Variants in HDAC8 observed in about 807,000 individuals in gnomAD.
The protein encoded by HDAC8 is histone deacetylase-like 1.
Under a neutral mutation model 32.2 loss-of-function variants are expected in HDAC8, and 1 was observed. That is an observed-to-expected ratio of 0.03 (90% CI 0.01 to 0.15). HDAC8 has a LOEUF of 0.15. HDAC8 is among the 10% of genes least tolerant of loss of function. HDAC8 has a pLI of 1.00. For missense variants in HDAC8, 117 were observed against 300.0 expected, an observed-to-expected ratio of 0.39 and a Z score of 4.51; for synonymous variants, 108 against 113.9, an observed-to-expected ratio of 0.95 and a Z score of 0.33.
At chrX:72,486,047 G>A (rs181976131) in intron 7 of HDAC8, among the ~76,000 whole-genome samples, 12 of 110,868 alleles carry the variant, frequency 1.1e-4, no homozygotes, top group East Asian at 8.5e-4. Flanking sequence ...GCGTGAACCC[G>A]GAAGGCAGAG....
chrX:72,371,803 CAT>C (rs1326052913), intron 9 of HDAC8, among the ~76,000 whole-genome samples: 14 of 111,989 alleles, frequency 1.3e-4, no homozygotes, highest in East Asian at 2.8e-4. Context: ...GCAATCCAAA[CAT>C]GTGTATGCAG....
chrX:72,443,695 C>A (rs1390727842), intron 9 of HDAC8, among the ~76,000 whole-genome samples: 5 of 107,959 alleles, frequency 4.6e-5, no homozygotes, highest in Middle Eastern at 4.3e-3. Flanking sequence ...CAGAGCAGAA[C>A]TGAAGGAAAT....
chrX:72,379,514 TGG>T, intron 9 of HDAC8, among the ~76,000 whole-genome samples: 1 of 98,953 alleles, frequency 1.0e-5, no homozygotes, highest in Non-Finnish European at 2.0e-5. Flanking sequence ...TTTTTTTTTT[TGG>T]AGACGGAGTC....
intron 9 of HDAC8, among the ~76,000 whole-genome samples, chrX:72,430,295 T>G (rs1314799083): frequency 1.8e-5 from 2 of 112,149 alleles, no homozygotes; most frequent in African/African-American, 6.5e-5. Context: ...ACCTTAGACA[T>G]TTCTCATTTA....
At chrX:72,495,115 C>T in intron 5 of HDAC8, 41 bp downstream of exon 5, 1 of 962,439 alleles carries the variant, frequency 1.0e-6, no homozygotes, top group South Asian at 2.1e-5. Flanking sequence ...TAAAAACCTG[C>T]TGTCCTCGCA....
chrX:72,571,287 T>TA (rs1471533432), intron 2 of HDAC8, among the ~76,000 whole-genome samples: 5 of 111,262 alleles, frequency 4.5e-5, no homozygotes, highest in African/African-American at 1.3e-4. Flanking sequence ...GTGGGTTGTC[T>TA]AAAAGTCTTA....
In HDAC8 at chrX:72,568,875, C is replaced by T. The variant is rs2051902112; in HGVS notation, c.174G>A (p.Lys58=). ...YALHKQMRIV[K]PKVASMEEMA... Reference sequence around the variant, plus strand: ...TCTCCTCCATGGAGGCCACTTTAGGCTTAACTATCCTAATAATAACAGAGA... The same window carrying T: ...TCTCCTCCATGGAGGCCACTTTAGGTTTAACTATCCTAATAATAACAGAGA... Residue 58 remains lysine (K), a synonymous_variant, in exon 3 of 11, where the codon AAG becomes AAA. Transcript: ENST00000373573. The T allele has an allele frequency of 8.3e-7, 1 of 1,208,293 alleles. No individual in the cohort carries two copies. Among genetic ancestry groups the T allele is most frequent in the African/African-American group, 1.7e-5 (1 of 57,606 alleles).
In HDAC8 at chrX:72,566,961, C is replaced by T. The variant is rs782300628; in HGVS notation, c.437+928G>A. Reference sequence around the variant, plus strand: ...AGGAGTTTAAGACCAGCCTGGCCAACGTGGTGAAACCCTGTCTCTACAAAA... The same window carrying T: ...AGGAGTTTAAGACCAGCCTGGCCAATGTGGTGAAACCCTGTCTCTACAAAA... On this transcript the variant is annotated intron_variant, in intron 4 of 10. Transcript: ENST00000373573. 9.9e-5 allele frequency among the ~76,000 whole-genome samples: 11 copies of T among 111,654 alleles called. No homozygotes were observed. The East Asian group carries it at 1.4e-3, about 14-fold the overall frequency.
chrX:72,395,126 A>G (rs1354666129), intron 9 of HDAC8, among the ~76,000 whole-genome samples: 1 of 112,643 alleles, frequency 8.9e-6, no homozygotes, highest in Admixed American at 9.4e-5. Context: ...TAAGAGCAAA[A>G]GATTAATTTT....
chrX:72,401,202 G>A (rs2045892917), intron 9 of HDAC8, among the ~76,000 whole-genome samples: 1 of 112,019 alleles, frequency 8.9e-6, no homozygotes, highest in Non-Finnish European at 1.9e-5. Context: ...GGCAGTGTAT[G>A]AGTGTTTCGT....
chrX:72,353,181 C>T (rs2044232207), intron 9 of HDAC8, among the ~76,000 whole-genome samples: 1 of 112,040 alleles, frequency 8.9e-6, no homozygotes, highest in Admixed American at 9.5e-5. Flanking sequence ...ACATCTGGCA[C>T]CGTGGGAGAT....
intron 4 of HDAC8, among the ~76,000 whole-genome samples, chrX:72,507,140 C>T (rs782035217): frequency 1.8e-5 from 2 of 111,883 alleles, no homozygotes; most frequent in African/African-American, 3.3e-5. Context: ...TGAGCCACCA[C>T]ACCTGGCCAA....
At chrX:72,356,711 C>G (rs1555950943) in intron 9 of HDAC8, among the ~76,000 whole-genome samples, 1 of 111,357 alleles carries the variant, frequency 9.0e-6, no homozygotes, top group Admixed American at 9.5e-5. Context: ...ACCCGAGTAA[C>G]TGGGACTACA....
intron 9 of HDAC8, among the ~76,000 whole-genome samples, chrX:72,385,690 T>C (rs782023682): frequency 8.9e-6 from 1 of 111,809 alleles, no homozygotes; most frequent in Non-Finnish European, 1.9e-5. Context: ...TACCATGTTT[T>C]GCTCAGTAGC....
At chrX:72,554,483 C>CGGGTA (rs2051198844) in intron 4 of HDAC8, among the ~76,000 whole-genome samples, 1 of 3,865 alleles carries the variant, frequency 2.6e-4, no homozygotes. Flanking sequence ...CTGTTTGGAG[C>CGGGTA]GGGTAGGGCG....
intron 9 of HDAC8, among the ~76,000 whole-genome samples, chrX:72,389,385 G>A (rs1222504896): frequency 3.6e-5 from 4 of 111,825 alleles, no homozygotes; most frequent in African/African-American, 9.8e-5. Flanking sequence ...AATATGATCC[G>A]GTATTTTCAA....
chrX:72,489,159 A>C (rs1210895059), intron 6 of HDAC8, 118 bp from the exon 7 acceptor site: 10 of 491,921 alleles, frequency 2.0e-5, no homozygotes, highest in Non-Finnish European at 3.1e-5. Flanking sequence ...TATATAAAGA[A>C]GTAAGTATTG....
intron 1 of HDAC8, 75 bp downstream of exon 1, chrX:72,572,576 T>G: frequency 2.8e-6 from 2 of 726,742 alleles, no homozygotes; most frequent in Non-Finnish European, 2.1e-6. Context: ...TCCTCTCCGC[T>G]TCCTAACGCT....
rs782185127 is a variant in HDAC8, at chrX:72,398,166, T to C, written c.1006-46328A>G. 1.7e-3 allele frequency among the ~76,000 whole-genome samples: 192 copies of C among 112,151 alleles called. 2 individuals carry two copies. The Middle Eastern group carries it at 0.018, about 11-fold the overall frequency. On this transcript the variant is annotated intron_variant, in intron 9 of 10. Transcript: ENST00000373573. ...TCTGGTGGATTAAAATGGAATCTCA[T>C]GTTGTTGGTTTCTTTCGTCATTTAT...
Sources: allele counts gnomAD v4.1 joint callset (sites outside exome capture counted in the v4.1 genomes callset), GRCh38; gene constraint gnomAD v4.1.1; transcripts MANE v1.5; gene names NCBI Gene and HGNC (gene_info 2026-07-23, HGNC 2026-07-21).